The following RAP1GAP2 variants were observed in gnomAD, a reference collection of about 807,000 sequenced individuals.
RAP1GAP2 encodes rap1 GTPase-activating protein 2.
A neutral mutation model predicts 95.0 loss-of-function variants in RAP1GAP2; 27 were observed. The ratio of observed to expected loss-of-function variants is 0.28; its 90% CI spans 0.21 to 0.39. RAP1GAP2 has a LOEUF of 0.39. RAP1GAP2 is among the 10% of genes least tolerant of loss of function. The pLI is 1.00. For synonymous variants in RAP1GAP2, 373 were observed against 380.9 expected (o/e 0.98, Z 0.24); for missense variants, 771 against 970.0 (o/e 0.79, Z 2.72).
intron 13 of RAP1GAP2, among the ~76,000 whole-genome samples, chr17:2,996,261 C>T (rs1004290166): frequency 7.9e-5 from 12 of 152,162 alleles, no homozygotes; most frequent in Non-Finnish European, 1.8e-4. Context: ...CCTGCCGTGC[C>T]CCCCGTTTGC....
At chr17:2,793,745 A>G (rs980043747), upstream of RAP1GAP2, among the ~76,000 whole-genome samples, 2 of 152,196 alleles carry the variant, frequency 1.3e-5, no homozygotes, top group African/African-American at 2.4e-5. Context: ...TGGCTCTCCT[A>G]TACCCGGGGT....
At position 3,006,046 on chromosome 17, in the gene RAP1GAP2, G is replaced by A; in HGVS notation, c.1359+5G>A. ...GACAAGTTTGCAAAGCTGGAGGTGAGAGTGTGGTTTCTGAAGGTCTCCCTC... is the reference window on the plus strand; with the variant it reads ...GACAAGTTTGCAAAGCTGGAGGTGAAAGTGTGGTTTCTGAAGGTCTCCCTC... On this transcript the variant is annotated splice_donor_5th_base_variant and intron_variant, in intron 16 of 24. Coordinates refer to ENST00000254695, the MANE Select transcript of RAP1GAP2 (RefSeq NM_015085.5). The A allele has an allele frequency of 6.3e-7, 1 of 1,595,852 alleles. No individual in the cohort carries two copies. Among genetic ancestry groups the A allele is most frequent in the South Asian group, 1.1e-5 (1 of 90,826 alleles).
At chr17:2,988,783 C>T (rs1053779099) in intron 11 of RAP1GAP2, among the ~76,000 whole-genome samples, 6 of 152,272 alleles carry the variant, frequency 3.9e-5, no homozygotes, top group South Asian at 4.1e-4. Flanking sequence ...AACTGCCGGC[C>T]GGGCGCAGTG....
chr17:2,770,629 A>C (rs1040517048), intron 2 of RAP1GAP2, among the ~76,000 whole-genome samples: 1 of 152,250 alleles, frequency 6.6e-6, no homozygotes, highest in Non-Finnish European at 1.5e-5. Flanking sequence ...CCTCGAATGC[A>C]CTGAGGCAAC....
chr17:2,780,054 C>T (rs1163778486), intron 1 of RAP1GAP2, among the ~76,000 whole-genome samples: 1 of 152,034 alleles, frequency 6.6e-6, no homozygotes, highest in Non-Finnish European at 1.5e-5. Flanking sequence ...CAAGCCTCCT[C>T]GTTCCTTTTT....
chr17:2,945,753 G>A (rs1008965296), intron 3 of RAP1GAP2, among the ~76,000 whole-genome samples: 2 of 150,898 alleles, frequency 1.3e-5, no homozygotes, highest in East Asian at 3.9e-4. Flanking sequence ...TCTTCATCCT[G>A]TTAATGTGAT....
intron 4 of RAP1GAP2, 119 bp downstream of exon 4, chr17:2,957,913 G>A: frequency 1.8e-6 from 2 of 1,091,306 alleles, no homozygotes; most frequent in South Asian, 2.0e-5. Flanking sequence ...GCAGAGAAGA[G>A]ACAATTGCAT....
At chr17:2,811,810 C>T (rs1456260722) in intron 2 of RAP1GAP2, among the ~76,000 whole-genome samples, 1 of 152,092 alleles carries the variant, frequency 6.6e-6, no homozygotes, top group East Asian at 1.9e-4. Flanking sequence ...AACTCCTGAC[C>T]TCAGGTGATC....
In RAP1GAP2 at chr17:2,764,261, G is replaced by A. The variant is rs144302584; in HGVS notation, c.51-6068G>A. Among the ~76,000 whole-genome samples, 140 of 151,220 alleles carry A rather than the reference G, an allele frequency of 9.3e-4. 1 individual carries two copies. The highest frequency in any genetic ancestry group is 3.3e-3 in the African/African-American group (135 of 41,096). ...AGCCTGGCCAACATGGTGTAACCCT[G>A]TCTGTACTAAAAATACAAAAATTAG... On this transcript the variant is annotated intron_variant, in intron 1 of 25. Transcript: ENST00000637138.
intron 2 of RAP1GAP2, among the ~76,000 whole-genome samples, chr17:2,895,983 G>A (rs2041810321): frequency 6.6e-6 from 1 of 152,000 alleles, no homozygotes; most frequent in Non-Finnish European, 1.5e-5. Flanking sequence ...GTTCCTCTGC[G>A]TCCTGCTTCT....
At chr17:2,985,901 T>C (rs867270856) in intron 11 of RAP1GAP2, among the ~76,000 whole-genome samples, 5 of 152,160 alleles carry the variant, frequency 3.3e-5, no homozygotes, top group South Asian at 2.1e-4. Flanking sequence ...TTTCCTACCA[T>C]GAACATTTAT....
Position 2,963,311 on chromosome 17 carries a change from G to T in RAP1GAP2, c.247-119G>T, listed in dbSNP as rs1049260376. 4.0e-5 allele frequency: 46 copies of T among 1,144,784 alleles called. No homozygotes were observed. The highest frequency in any genetic ancestry group is 5.7e-5 in the Non-Finnish European group (43 of 758,510). 70.9% of individuals were successfully genotyped at this position (1,144,784 alleles called of 1,614,324 possible). A position where few individuals can be genotyped will look rare whatever the true frequency, so the allele number is the denominator to read the frequency against. On this transcript the variant is annotated intron_variant, in intron 5 of 24. Transcript: ENST00000254695. This position sits in a 1 kb window ranked among gnomAD's most constrained non-coding sequence, Gnocchi z 4.8. Reference sequence around the variant, plus strand: ...GCTGATTCTGAGCTGTTCTTCCATCGAATGTTCCTCCCTCAAAGCCCCCCC... The same window carrying T: ...GCTGATTCTGAGCTGTTCTTCCATCTAATGTTCCTCCCTCAAAGCCCCCCC...
At chr17:2,957,086 C>A (rs1423269772) in intron 3 of RAP1GAP2, among the ~76,000 whole-genome samples, 2 of 151,266 alleles carry the variant, frequency 1.3e-5, no homozygotes, top group Non-Finnish European at 2.9e-5. Context: ...CGAGATTGCG[C>A]CACTGCACTC....
intron 2 of RAP1GAP2, among the ~76,000 whole-genome samples, chr17:2,811,145 T>A (rs924768607): frequency 6.6e-6 from 1 of 152,144 alleles, no homozygotes; most frequent in African/African-American, 2.4e-5. Context: ...TTCCCTCCCC[T>A]TGGCTGGTCA....
Position 2,796,700 on chromosome 17 carries a change from C to G in RAP1GAP2, c.44+129C>G. Reference sequence around the variant, plus strand: ...CCTGAGAGCTGGGTCTGCTGACGCCCTGGCAGGTCGAGATGCAGGATCCTG... The same window carrying G: ...CCTGAGAGCTGGGTCTGCTGACGCCGTGGCAGGTCGAGATGCAGGATCCTG... On this transcript the variant is annotated intron_variant, in intron 1 of 24. Transcript: ENST00000254695. The surrounding 1 kb of genome is among the most constrained non-coding windows in gnomAD (Gnocchi z 4.7). The G allele has an allele frequency of 9.3e-7, 1 of 1,077,404 alleles. No homozygotes were observed. The highest frequency in any genetic ancestry group is 1.4e-6 in the Non-Finnish European group (1 of 722,100). The allele number at this position is 1,077,404 out of a possible 1,614,324, so 66.7% of individuals were successfully genotyped here. A position where few individuals can be genotyped will look rare whatever the true frequency, so the allele number is the denominator to read the frequency against.
chr17:2,942,326 C>T (rs978670520), intron 3 of RAP1GAP2, among the ~76,000 whole-genome samples: 2 of 152,178 alleles, frequency 1.3e-5, no homozygotes, highest in African/African-American at 2.4e-5. Context: ...AATATCATCT[C>T]ATCTTCCAGC....
intron 1 of RAP1GAP2, among the ~76,000 whole-genome samples, chr17:2,777,991 G>GGGGAGGCT (rs1265953014): frequency 4.8e-5 from 2 of 42,098 alleles, no homozygotes; most frequent in South Asian, 1.7e-3. Flanking sequence ...GCTGGGAGGC[G>GGGGAGGCT]GGGAGGCTGG....
chr17:2,803,849 A>G (rs576043875), intron 2 of RAP1GAP2, among the ~76,000 whole-genome samples: 1 of 152,370 alleles, frequency 6.6e-6, no homozygotes, highest in South Asian at 2.1e-4. Context: ...ATTACACTAC[A>G]GCCTGGGTGA....
chr17:2,906,480 G>C lies in RAP1GAP2; in HGVS notation c.165+1112G>C, dbSNP rs2042202518. Reference sequence around the variant, plus strand: ...GTGGTCAGCGGTGGGCGGGGGGGCAGGACAGGGTGCAGGGCTGACCAAGGA... The same window carrying C: ...GTGGTCAGCGGTGGGCGGGGGGGCACGACAGGGTGCAGGGCTGACCAAGGA... On this transcript the variant is annotated intron_variant, in intron 3 of 24. Coordinates refer to ENST00000254695, the MANE Select transcript of RAP1GAP2 (RefSeq NM_015085.5). This position sits in a 1 kb window ranked among gnomAD's most constrained non-coding sequence, Gnocchi z 4.3. 6.6e-6 allele frequency among the ~76,000 whole-genome samples: 1 copy of C among 152,052 alleles called. No individual in the cohort carries two copies. Among genetic ancestry groups the C allele is most frequent in the African/African-American group, 2.4e-5 (1 of 41,412 alleles).
Sources: allele counts gnomAD v4.1 joint callset (sites outside exome capture counted in the v4.1 genomes callset), GRCh38; gene constraint gnomAD v4.1.1; non-coding constraint Gnocchi (gnomAD v3.1); transcripts MANE v1.5; gene names NCBI Gene and HGNC (gene_info 2026-07-23, HGNC 2026-07-21).